Variants in SPMAP2L observed in about 807,000 individuals in gnomAD.
The protein encoded by SPMAP2L is sperm microtubule associated protein 2 like, also known as sperm microtubule associated protein 2-like.
At chr4:56,577,560 T>C in the SPMAP2L span, among the ~76,000 whole-genome samples, 1 of 152,096 alleles carries the variant, frequency 6.6e-6, no homozygotes, top group Admixed American at 6.6e-5. Flanking sequence ...TACTCCAGCC[T>C]GAGCCACAGA....
chr4:56,548,700 TC>T, the SPMAP2L span: 2 of 893,762 alleles, frequency 2.2e-6, no homozygotes, highest in Non-Finnish European at 3.1e-6. Flanking sequence ...TTTTTCTAAC[TC>T]CTTTCTCTTT....
At chr4:56,595,548 T>C in the SPMAP2L span, 2 of 1,451,232 alleles carry the variant, frequency 1.4e-6, no homozygotes. Flanking sequence ...ACCGGCCTTA[T>C]ATTCCAGAGA....
the SPMAP2L span, among the ~76,000 whole-genome samples, chr4:56,573,563 GCCTGAGTCTAAGGTCTCCA>G: frequency 6.6e-6 from 1 of 152,094 alleles, no homozygotes; most frequent in Admixed American, 6.6e-5. Context: ...GGCTCCTTTT[GCCTGAGTCTAAGGTCTCCA>G]CAGTGTGCCC....
chr4:56,550,735 G>A, the SPMAP2L span, among the ~76,000 whole-genome samples: 1 of 152,146 alleles, frequency 6.6e-6, no homozygotes, highest in South Asian at 2.1e-4. Flanking sequence ...TGTTAATTCG[G>A]GGTCATCATG....
chr4:56,587,140 A>T, the SPMAP2L span, among the ~76,000 whole-genome samples: 10 of 151,944 alleles, frequency 6.6e-5, no homozygotes, highest in African/African-American at 2.4e-4. Flanking sequence ...GCCCTAAATA[A>T]TTTTTTTTAC....
At chr4:56,552,570 C>T in the SPMAP2L span, 1 of 1,525,430 alleles carries the variant, frequency 6.6e-7, no homozygotes, top group Non-Finnish European at 8.8e-7. Context: ...GGAAGAGAAC[C>T]CCAAATCTTT....
chr4:56,544,678 C>A, the SPMAP2L span, among the ~76,000 whole-genome samples: 1 of 151,382 alleles, frequency 6.6e-6, no homozygotes, highest in Non-Finnish European at 1.5e-5. Context: ...CTAGGCCGAG[C>A]CCCGCAGCCC....
chr4:56,608,005 A>G, the SPMAP2L span, among the ~76,000 whole-genome samples: 1 of 151,512 alleles, frequency 6.6e-6, no homozygotes, highest in Non-Finnish European at 1.5e-5. Flanking sequence ...GAAAAAAAAA[A>G]AAAAAAAAGA....
the SPMAP2L span, among the ~76,000 whole-genome samples, chr4:56,573,064 T>G: frequency 6.7e-6 from 1 of 150,046 alleles, no homozygotes. Context: ...GACAGCGCTG[T>G]GAGACTTGGA....
chr4:56,584,803 T>C, the SPMAP2L span, among the ~76,000 whole-genome samples: 1 of 152,230 alleles, frequency 6.6e-6, no homozygotes, highest in Admixed American at 6.5e-5. Flanking sequence ...CTATGGATGA[T>C]GTAGAATACA....
At chr4:56,552,619 G>A in the SPMAP2L span, 2 of 1,485,960 alleles carry the variant, frequency 1.3e-6, no homozygotes, top group Middle Eastern at 1.7e-4. Context: ...AGACAGGTAA[G>A]GCAATATTGT....
At chr4:56,620,990 A>G in the SPMAP2L span, among the ~76,000 whole-genome samples, 2 of 152,188 alleles carry the variant, frequency 1.3e-5, no homozygotes, top group East Asian at 1.9e-4. Context: ...TTGTTATTCT[A>G]ATATTGACTG....
At chr4:56,600,499 A>G in the SPMAP2L span, among the ~76,000 whole-genome samples, 1 of 151,756 alleles carries the variant, frequency 6.6e-6, no homozygotes, top group South Asian at 2.1e-4. Flanking sequence ...TCACCGTGTT[A>G]GTCAGGCTGG....
the SPMAP2L span, chr4:56,595,725 T>G: frequency 4.2e-6 from 4 of 957,806 alleles, no homozygotes; most frequent in East Asian, 9.5e-5. Context: ...TTCTTAGTCC[T>G]CTCTCCCTAA....
the SPMAP2L span, among the ~76,000 whole-genome samples, chr4:56,541,822 C>CT: frequency 6.6e-6 from 1 of 152,018 alleles, no homozygotes; most frequent in Admixed American, 6.6e-5. Flanking sequence ...TTCTTTCTTT[C>CT]TTTTTTCTAT....
At chr4:56,593,873 C>T in the SPMAP2L span, 5 of 1,611,004 alleles carry the variant, frequency 3.1e-6, no homozygotes, top group Non-Finnish European at 3.4e-6. Context: ...TGGGCTGGAG[C>T]ATATTGCTAG....
the SPMAP2L span, among the ~76,000 whole-genome samples, chr4:56,549,036 T>C: frequency 2.0e-5 from 3 of 150,456 alleles, no homozygotes; most frequent in African/African-American, 7.3e-5. Context: ...TTCCCCAGAC[T>C]GGAGTGCAGT....
chr4:56,594,226 A>G, the SPMAP2L span: 4 of 1,605,362 alleles, frequency 2.5e-6, no homozygotes, highest in South Asian at 1.1e-5. Context: ...TCACCCATCA[A>G]GTGTTCAACA....
the SPMAP2L span, among the ~76,000 whole-genome samples, chr4:56,564,501 C>T: frequency 5.9e-5 from 9 of 152,204 alleles, no homozygotes; most frequent in African/African-American, 1.4e-4. Flanking sequence ...TATTTTCTTA[C>T]GTTTGATATC....
Sources: gnomAD v4.1 joint callset for allele counts (sites outside exome capture counted in the v4.1 genomes callset) on GRCh38, gnomAD v4.1.1 for gene constraint, MANE v1.5 for transcripts, NCBI Gene and HGNC (gene_info 2026-07-23, HGNC 2026-07-21) for gene names.